The following ZMYND8 variants were observed in gnomAD, a reference collection of about 807,000 sequenced individuals.
The protein encoded by ZMYND8 is zinc finger MYND-type containing 8.
In ZMYND8, 37 loss-of-function variants were observed where a neutral mutation model predicts 140.8. The observed-to-expected ratio is 0.26, with a 90% CI of 0.20 to 0.35. The LOEUF (loss-of-function observed/expected upper bound fraction) is 0.35. ZMYND8 is among the 10% of genes least tolerant of loss of function. ZMYND8 has a pLI of 1.00. For synonymous variants in ZMYND8, 592 were observed against 597.1 expected, an observed-to-expected ratio of 0.99 and a Z score of 0.12; for missense variants, 1,068 against 1,570.0, an observed-to-expected ratio of 0.68 and a Z score of 5.40.
chr20:47,316,159 C>T lies in ZMYND8; in HGVS notation c.86-5955G>A, dbSNP rs185062200. Among the ~76,000 whole-genome samples, 1,196 of 151,874 alleles carry T rather than the reference C, an allele frequency of 7.9e-3. 19 individuals are homozygous for T. Among genetic ancestry groups the T allele is most frequent in the African/African-American group, 0.026 (1,093 of 41,384 alleles). On this transcript the variant is annotated intron_variant, in intron 2 of 22. Coordinates refer to ENST00000471951, the MANE Select transcript of ZMYND8 (RefSeq NM_001281775.3). The stretch of plus-strand genomic sequence containing the variant: ...CAGCCTGACCAACATGGTGAAACCC[C>T]GTCTCTACTAAAAATACAAAAATTA...
chr20:47,355,033 C>G (rs370089521), intron 1 of ZMYND8, among the ~76,000 whole-genome samples: 2 of 152,046 alleles, frequency 1.3e-5, no homozygotes, highest in East Asian at 1.9e-4. Context: ...CACCACCCCC[C>G]CAACACACAC....
chr20:47,333,072 C>G (rs1044559527), intron 2 of ZMYND8, among the ~76,000 whole-genome samples: 3 of 152,176 alleles, frequency 2.0e-5, no homozygotes, highest in African/African-American at 7.2e-5. Flanking sequence ...TGAGGTCACA[C>G]ACAGTGGCTC....
intron 2 of ZMYND8, among the ~76,000 whole-genome samples, chr20:47,329,934 G>A (rs1417969635): frequency 6.6e-6 from 1 of 152,152 alleles, no homozygotes; most frequent in Non-Finnish European, 1.5e-5. Context: ...GTCTAGCCTG[G>A]CAATTGTTAA....
At chr20:47,344,961 T>A (rs934728337) in intron 2 of ZMYND8, among the ~76,000 whole-genome samples, 1 of 151,772 alleles carries the variant, frequency 6.6e-6, no homozygotes, top group African/African-American at 2.4e-5. Context: ...AAAAAAAAAT[T>A]TTTTTAATTA....
chr20:47,297,823 G>T, intron 4 of ZMYND8, among the ~76,000 whole-genome samples: 1 of 152,138 alleles, frequency 6.6e-6, no homozygotes, highest in Non-Finnish European at 1.5e-5. Context: ...AGAGTTGGGG[G>T]TCTCCAAGAA....
intron 11 of ZMYND8, among the ~76,000 whole-genome samples, chr20:47,265,068 A>ATATATATATGTATATATATATG (rs1555948705): frequency 2.8e-5 from 4 of 144,494 alleles, no homozygotes; most frequent in South Asian, 2.2e-4. Context: ...ATATATATAT[A>ATATATATATGTATATATATATG]GGCATTTTAA....
chr20:47,345,811 CT>C (rs1375805198), intron 2 of ZMYND8, among the ~76,000 whole-genome samples: 4,804 of 85,544 alleles, frequency 0.056, 242 homozygotes, highest in African/African-American at 0.17. Context: ...ACTCTGTCCA[CT>C]TTTTTTTTTT....
At chr20:47,351,554 A>G (rs1270149466) in intron 1 of ZMYND8, among the ~76,000 whole-genome samples, 1 of 152,222 alleles carries the variant, frequency 6.6e-6, no homozygotes, top group African/African-American at 2.4e-5. Context: ...GCTGTAAGAA[A>G]TATTTAATCC....
chr20:47,351,923 C>T (rs1393856873), intron 1 of ZMYND8: 8 of 985,374 alleles, frequency 8.1e-6, no homozygotes, highest in Non-Finnish European at 9.6e-6. Flanking sequence ...AACAACCCAA[C>T]GTTTAGAAGC....
At chr20:47,306,851 C>A (rs934661164) in intron 3 of ZMYND8, among the ~76,000 whole-genome samples, 3 of 152,108 alleles carry the variant, frequency 2.0e-5, no homozygotes, top group African/African-American at 7.2e-5. Context: ...GTCAAAAGAA[C>A]ATGGACATGG....
At chr20:47,225,521 C>T (rs539882262) in intron 18 of ZMYND8, among the ~76,000 whole-genome samples, 209 of 84,938 alleles carry the variant, frequency 2.5e-3, no homozygotes, top group Middle Eastern at 6.3e-3. Context: ...CCATTGCACT[C>T]CAGCCTGGAC....
chr20:47,312,036 C>T (rs568691034), intron 2 of ZMYND8, among the ~76,000 whole-genome samples: 1 of 152,228 alleles, frequency 6.6e-6, no homozygotes, highest in South Asian at 2.1e-4. Flanking sequence ...GGAACGAAAG[C>T]TACAAATACC....
At chr20:47,313,292 C>A (rs937426414) in intron 2 of ZMYND8, among the ~76,000 whole-genome samples, 7 of 151,396 alleles carry the variant, frequency 4.6e-5, no homozygotes, top group Admixed American at 3.3e-4. Flanking sequence ...AACACCTGGG[C>A]AACATGGTGA....
intron 2 of ZMYND8, among the ~76,000 whole-genome samples, chr20:47,339,064 C>T (rs1397369670): frequency 6.6e-6 from 1 of 151,440 alleles, no homozygotes; most frequent in African/African-American, 2.4e-5. Context: ...GCTCTGCCTC[C>T]CAGGTTCATG....
intron 14 of ZMYND8, among the ~76,000 whole-genome samples, chr20:47,242,159 T>C (rs943839878): frequency 6.6e-6 from 1 of 152,190 alleles, no homozygotes; most frequent in African/African-American, 2.4e-5. Flanking sequence ...GAAAAAGACA[T>C]GAGCCTGATT....
At chr20:47,343,863 T>C (rs746132959) in intron 2 of ZMYND8, among the ~76,000 whole-genome samples, 1 of 151,320 alleles carries the variant, frequency 6.6e-6, no homozygotes, top group Non-Finnish European at 1.5e-5. Flanking sequence ...TCCTTAAGTG[T>C]GGGTGATGCC....
At chr20:47,290,435 G>A (rs1049105730) in intron 6 of ZMYND8, among the ~76,000 whole-genome samples, 161 bp from the exon 7 acceptor site, 2 of 151,898 alleles carry the variant, frequency 1.3e-5, no homozygotes, top group Non-Finnish European at 2.9e-5. Flanking sequence ...ACAACACCCC[G>A]ACTAAAGAAT....
intron 16 of ZMYND8, among the ~76,000 whole-genome samples, chr20:47,231,857 A>T (rs905514752): frequency 3.3e-5 from 5 of 152,258 alleles, no homozygotes; most frequent in African/African-American, 1.2e-4. Flanking sequence ...TGTAATGGTC[A>T]CATTCCACTT....
chr20:47,220,292 G>T lies in ZMYND8; in HGVS notation c.3450C>A (p.Pro1150=). ...GGTTGGAGCCTAAGAGAATGGAGGA[G>T]GGCGTCTCTCTGGAGCCAGAAAGGT... is the stretch of plus-strand genomic sequence containing the variant. ...TLDLSGSRET[P]SSILLGSNQG... The change falls in exon 21 of 23, where the codon CCC becomes CCA. Residue 1150 remains proline (P), a synonymous_variant. Transcript: ENST00000471951. 1 of 1,565,122 alleles carries T rather than the reference G, an allele frequency of 6.4e-7. No individual in the cohort carries two copies. Among genetic ancestry groups the T allele is most frequent in the East Asian group, 2.4e-5 (1 of 42,138 alleles).
Sources: allele counts gnomAD v4.1 joint callset (sites outside exome capture counted in the v4.1 genomes callset), GRCh38; gene constraint gnomAD v4.1.1; transcripts MANE v1.5; gene names NCBI Gene and HGNC (gene_info 2026-07-23, HGNC 2026-07-21).